XRN2: variants seen among roughly 807,000 people sequenced by gnomAD.
XRN2 encodes 5'-3' exoribonuclease 2.
A neutral mutation model predicts 138.5 loss-of-function variants in XRN2; 44 were observed. The ratio of observed to expected loss-of-function variants is 0.32; its 90% CI spans 0.25 to 0.41. The LOEUF (loss-of-function observed/expected upper bound fraction) is 0.41. XRN2 is among the 10% of genes least tolerant of loss of function. The pLI is 1.00. For missense variants in XRN2, 937 were observed against 1,169.3 expected (o/e 0.80, Z 2.90); for synonymous variants, 354 against 369.4 (o/e 0.96, Z 0.48).
At position 21,317,524 on chromosome 20, in the gene XRN2, T is replaced by C. The variant is rs776532360; in HGVS notation, c.76-8755T>C. The stretch of plus-strand genomic sequence containing the variant: ...GTTTGCTAGTCCAGTCGTCTTGCAG[T>C]ATCTGTGAGGGATTGGTTCCAGGAC... On this transcript the variant is annotated intron_variant, in intron 1 of 29. Coordinates refer to ENST00000377191, the MANE Select transcript of XRN2 (RefSeq NM_012255.5). Among the ~76,000 whole-genome samples the C allele has an allele frequency of 1.1e-4, 17 of 152,300 alleles. No homozygotes were observed. In the East Asian group the frequency reaches 1.2e-3, roughly 10 times the overall value.
chr20:21,355,390 A>G (rs2038563841), intron 21 of XRN2, among the ~76,000 whole-genome samples: 2 of 152,208 alleles, frequency 1.3e-5, no homozygotes, highest in Admixed American at 1.3e-4. Flanking sequence ...GCTGGGCTCT[A>G]TTGAAAAATT....
intron 20 of XRN2, 29 bp downstream of exon 20, chr20:21,349,490 A>G: frequency 1.4e-6 from 2 of 1,434,450 alleles, no homozygotes; most frequent in Admixed American, 1.8e-5. Flanking sequence ...TTTCTGGTAA[A>G]ACTGTGAACA....
intron 27 of XRN2, among the ~76,000 whole-genome samples, chr20:21,375,369 C>A (rs2038809430): frequency 6.6e-6 from 1 of 151,554 alleles, no homozygotes; most frequent in Non-Finnish European, 1.5e-5. Flanking sequence ...AATTGGCATT[C>A]TTTTTCCAAG....
chr20:21,379,950 T>G (rs973815544), intron 27 of XRN2, among the ~76,000 whole-genome samples: 2 of 152,210 alleles, frequency 1.3e-5, no homozygotes, highest in African/African-American at 4.8e-5. Context: ...TGAAGGTTTC[T>G]CTTAATGTAG....
At chr20:21,321,216 A>G (rs1443049788) in intron 1 of XRN2, among the ~76,000 whole-genome samples, 1 of 150,644 alleles carries the variant, frequency 6.6e-6, no homozygotes, top group South Asian at 2.1e-4. Context: ...CATATTGCCT[A>G]GGCTGATCCC....
intron 28 of XRN2, among the ~76,000 whole-genome samples, chr20:21,382,964 C>T (rs1351474840): frequency 6.6e-6 from 1 of 152,124 alleles, no homozygotes; most frequent in Non-Finnish European, 1.5e-5. Context: ...TCTCCTCTGC[C>T]ATGTTTACAG....
chr20:21,341,287 T>G (rs1442313594), intron 15 of XRN2, among the ~76,000 whole-genome samples: 3 of 152,224 alleles, frequency 2.0e-5, no homozygotes, highest in African/African-American at 2.4e-5. Flanking sequence ...TTTTATTCCC[T>G]TATTTCCCCT....
At chr20:21,377,290 C>A (rs1568598462) in intron 27 of XRN2, among the ~76,000 whole-genome samples, 1 of 12,836 alleles carries the variant, frequency 7.8e-5, no homozygotes, top group African/African-American at 4.0e-4. Flanking sequence ...GTCAGTCTTG[C>A]TTTGCCACCC....
At chr20:21,370,985 G>A (rs1294346783) in intron 27 of XRN2, among the ~76,000 whole-genome samples, 1 of 152,116 alleles carries the variant, frequency 6.6e-6, no homozygotes, top group African/African-American at 2.4e-5. Flanking sequence ...AGATGCTCAC[G>A]TTTGTTAAAT....
chr20:21,332,532 A>G (rs2038227421), intron 9 of XRN2, 92 bp downstream of exon 9: 1 of 1,275,748 alleles, frequency 7.8e-7, no homozygotes, highest in African/African-American at 1.5e-5. Flanking sequence ...CAACCATTTT[A>G]AAGTATACAA....
intron 27 of XRN2, among the ~76,000 whole-genome samples, chr20:21,376,444 A>G (rs903908579): frequency 1.3e-5 from 2 of 152,180 alleles, no homozygotes; most frequent in Admixed American, 6.5e-5. Flanking sequence ...TGCTTTGGTC[A>G]TATTTTTACT....
intron 1 of XRN2, among the ~76,000 whole-genome samples, chr20:21,324,710 G>A (rs1230132604): frequency 1.3e-5 from 2 of 152,064 alleles, no homozygotes; most frequent in Non-Finnish European, 2.9e-5. Context: ...CATAGCTCAC[G>A]GCAGCCTTGA....
intron 9 of XRN2, among the ~76,000 whole-genome samples, chr20:21,332,873 T>A (rs1055958316): frequency 6.6e-6 from 1 of 152,230 alleles, no homozygotes; most frequent in African/African-American, 2.4e-5. Context: ...TTTGAAATAC[T>A]CTTCTTAAAA....
intron 16 of XRN2, 135 bp from the exon 17 acceptor site, chr20:21,346,280 G>A: frequency 1.7e-6 from 2 of 1,157,744 alleles, no homozygotes; most frequent in Non-Finnish European, 2.5e-6. Context: ...AAATGAATCT[G>A]TGTTAGCATG....
chr20:21,355,583 T>C (rs2038566047), intron 21 of XRN2, among the ~76,000 whole-genome samples: 1 of 152,176 alleles, frequency 6.6e-6, no homozygotes. Context: ...AGTATATTCA[T>C]ACGTATTTCA....
At chr20:21,357,981 T>C (rs1210860790) in intron 24 of XRN2, among the ~76,000 whole-genome samples, 189 bp downstream of exon 24, 1 of 152,326 alleles carries the variant, frequency 6.6e-6, no homozygotes, top group South Asian at 2.1e-4. Flanking sequence ...ATTGTTAAGG[T>C]TACTGATTTA....
rs1244898481 is a variant in XRN2, at chr20:21,357,721, CTT to C, written c.2199-14_2199-13del. ...CAGTTTACAGAGAGATGTTTCTTCT[CTT>C]GTTTCCTTCTAGAATAGTATGTTCT... On this transcript the variant is annotated splice_polypyrimidine_tract_variant and intron_variant, in intron 23 of 29. Transcript: ENST00000377191. The C allele has an allele frequency of 4.4e-6, 7 of 1,577,122 alleles. 1 individual carries two copies. The highest frequency in any genetic ancestry group is 3.7e-5 in the Admixed American group (2 of 54,746).
At chr20:21,311,920 G>A (rs2037886474) in intron 1 of XRN2, among the ~76,000 whole-genome samples, 1 of 152,048 alleles carries the variant, frequency 6.6e-6, no homozygotes, top group Admixed American at 6.5e-5. Flanking sequence ...ACTTGATCCT[G>A]GGATACTGAG....
In XRN2 at chr20:21,303,345, C is replaced by G. The variant is rs2037764258; in HGVS notation, c.-54C>G. ...TGGTGCCCTCTGCCGCTGCTCCCGT[C>G]TCTTTGGTTACGCTCGTCAGCCGGT... On this transcript the variant is annotated 5_prime_UTR_variant, in exon 1 of 30. Transcript: ENST00000377191. The G allele has an allele frequency of 6.5e-7, 1 of 1,536,386 alleles. No homozygotes were observed. The highest frequency in any genetic ancestry group is 8.8e-7 in the Non-Finnish European group (1 of 1,140,580).
Sources: allele counts gnomAD v4.1 joint callset (sites outside exome capture counted in the v4.1 genomes callset), GRCh38; gene constraint gnomAD v4.1.1; transcripts MANE v1.5; gene names NCBI Gene and HGNC (gene_info 2026-07-23, HGNC 2026-07-21).